The following ALOX15 variants were observed in gnomAD, a reference collection of about 807,000 sequenced individuals.
The protein encoded by ALOX15 is arachidonate 15-lipoxygenase.
ALOX15 carries 68 observed loss-of-function variants against 71.7 expected under a neutral mutation model. That is an observed-to-expected ratio of 0.95 (90% CI 0.78 to 1.16). The LOEUF (loss-of-function observed/expected upper bound fraction) is 1.16. ALOX15 is among the 50% of genes most tolerant of loss of function. ALOX15 has a pLI of 0.00. For missense variants in ALOX15, 798 were observed against 818.8 expected (o/e 0.97, Z 0.31); for synonymous variants, 346 against 333.3 (o/e 1.04, Z -0.42).
Position 4,631,442 on chromosome 17 carries a change from A to T in ALOX15, c.*158T>A. ...GTCCCAGGTGATGCCTCTAGAGTAAAATGTGTTCACTGGGTGCAGAGACCA... is the reference window on the plus strand; with the variant it reads ...GTCCCAGGTGATGCCTCTAGAGTAATATGTGTTCACTGGGTGCAGAGACCA... On this transcript the variant is annotated 3_prime_UTR_variant, in exon 14 of 14. Coordinates refer to ENST00000293761, the MANE Select transcript of ALOX15 (RefSeq NM_001140.5). 1 of 823,664 alleles carries T rather than the reference A, an allele frequency of 1.2e-6. No homozygotes were observed. Among genetic ancestry groups the T allele is most frequent in the Non-Finnish European group, 1.9e-6 (1 of 539,352 alleles). The allele number at this position is 823,664 out of a possible 1,614,324, so 51.0% of individuals were successfully genotyped here.
At chr17:4,636,271 C>T (rs757152822) in intron 7 of ALOX15, among the ~76,000 whole-genome samples, 6 of 152,330 alleles carry the variant, frequency 3.9e-5, no homozygotes, top group Non-Finnish European at 8.8e-5. Flanking sequence ...CCACCTGCTT[C>T]CTCCATCCCA....
At chr17:4,633,354 T>G in intron 9 of ALOX15, 39 bp from the exon 10 acceptor site, 1 of 1,610,930 alleles carries the variant, frequency 6.2e-7, no homozygotes. Flanking sequence ...CGAATCGACC[T>G]GCCCTGAATC....
At chr17:4,638,105 G>A (rs1440675089) in intron 6 of ALOX15, 112 bp downstream of exon 6, 22 of 596,196 alleles carry the variant, frequency 3.7e-5, no homozygotes, top group African/African-American at 2.4e-4. Flanking sequence ...TGCAGAATCC[G>A]TCCTTGCTGG....
chr17:4,641,439 G>C, intron 1 of ALOX15, 78 bp downstream of exon 1: 2 of 1,543,430 alleles, frequency 1.3e-6, no homozygotes, highest in Non-Finnish European at 1.7e-6. Context: ...AGGCCAACGG[G>C]GGCGCATGTC....
In ALOX15 at chr17:4,633,152, A is replaced by G; in HGVS notation, c.1412T>C (p.Ile471Thr). ...AQDALRLWEIIYRYVEGIVSL... is the reference protein window; with the variant it reads ...AQDALRLWEITYRYVEGIVSL... ...GCCTTCCCGCTTGCCTCACCGATAG[A>G]TGATTTCCCAGAGCCGCAGCGCATC... Residue 471 changes from isoleucine (I) to threonine (T), a missense_variant, in exon 10 of 14, where the codon ATC (isoleucine) becomes ACC (threonine). Around this residue, in one of 3 missense-constraint regions of ALOX15, gnomAD observed 490 missense variants for 509.4 expected, o/e 0.96. Coordinates refer to ENST00000293761, the MANE Select transcript of ALOX15 (RefSeq NM_001140.5). The G allele has an allele frequency of 1.2e-6, 2 of 1,613,722 alleles. No homozygotes were observed. Among genetic ancestry groups the G allele is most frequent in the Non-Finnish European group, 1.7e-6 (2 of 1,179,794 alleles).
At chr17:4,641,484 G>A (rs759372494) in intron 1 of ALOX15, 33 bp downstream of exon 1, 2 of 1,600,940 alleles carry the variant, frequency 1.2e-6, no homozygotes, top group East Asian at 2.2e-5. Context: ...AGCCAGGGGC[G>A]CAGCCCACCC....
rs1910978206 is a variant in ALOX15 at position 4,633,237 on chromosome 17, G to T, written c.1327C>A (p.Pro443Thr). 5 of 1,614,094 alleles carry T rather than the reference G, an allele frequency of 3.1e-6. No individual in the cohort carries two copies. The African/African-American group carries it at 5.3e-5, about 17-fold the overall frequency. The change falls in exon 10 of 14, where the codon CCC (proline) becomes ACC (threonine). Residue 443 changes from proline to threonine, a missense_variant. This residue lies in a region of ALOX15 where 490 missense variants were observed against 509.4 expected (regional missense o/e 0.96). Coordinates refer to ENST00000293761, the MANE Select transcript of ALOX15 (RefSeq NM_001140.5). ...GAFLTYSSFC[P>T]PDDLADRGLL... is the part of the protein sequence containing the mutation. ...CCCCGGTCGGCCAAGTCATCAGGGG[G>T]ACAGAAGGAGCTGTAGGTTAGGAAG...
In ALOX15 at chr17:4,633,146, C is replaced by T. The variant is rs748151554; in HGVS notation, c.1418G>A (p.Arg473Gln). ...DALRLWEIIYRYVEGIVSLHY... is the reference protein window; with the variant it reads ...DALRLWEIIYQYVEGIVSLHY... ...CCACTGGCCTTCCCGCTTGCCTCAC[C>T]GATAGATGATTTCCCAGAGCCGCAG... is the stretch of plus-strand genomic sequence containing the variant. Residue 473 changes from arginine (R) to glutamine (Q), a missense_variant and splice_region_variant, in exon 10 of 14, where the codon CGG becomes CAG. Arg to Gln is a conservative substitution (Grantham distance 43). This residue lies in a region of ALOX15 where 490 missense variants were observed against 509.4 expected (regional missense o/e 0.96). Coordinates refer to ENST00000293761, the MANE Select transcript of ALOX15 (RefSeq NM_001140.5). 4.2e-5 allele frequency: 68 copies of T among 1,613,468 alleles called. No homozygotes were observed. The highest frequency in any genetic ancestry group is 5.3e-5 in the Non-Finnish European group (63 of 1,179,700).
At chr17:4,634,848 A>G (rs11568149) in intron 8 of ALOX15, among the ~76,000 whole-genome samples, 1,652 of 151,694 alleles carry the variant, frequency 0.011, 10 homozygotes, top group Middle Eastern at 0.031. Context: ...GCATGGTGGC[A>G]GGCACCTGAA....
chr17:4,639,449 C>T lies in ALOX15; in HGVS notation c.318G>A (p.Leu106=), dbSNP rs113632782. 16 of 1,613,608 alleles carry T rather than the reference C, an allele frequency of 9.9e-6. No homozygotes were observed. In the African/African-American group the frequency reaches 1.1e-4, roughly 11 times the overall value. ...CYRWVEGNGV[L]SLPEGTGRTV... ...GCTTACCGGTGCCTTCAGGCAGGCT[C>T]AGGACGCCGTTGCCCTCCACCCAGC... Residue 106 remains leucine (L), a synonymous_variant, in exon 2 of 14, where the codon CTG becomes CTA. Transcript: ENST00000293761.
intron 7 of ALOX15, among the ~76,000 whole-genome samples, 198 bp downstream of exon 7, chr17:4,636,917 G>A (rs1456050282): frequency 6.6e-6 from 1 of 152,126 alleles, no homozygotes; most frequent in Non-Finnish European, 1.5e-5. Flanking sequence ...CAGTCCTGGA[G>A]CTTCTGCAGA....
chr17:4,639,523 A>G lies in ALOX15; in HGVS notation c.244T>C (p.Ser82Pro). Residue 82 changes from serine to proline, a missense_variant, in exon 2 of 14, where the codon TCT becomes CCT. Ser to Pro is a moderately conservative substitution (Grantham distance 74). Coordinates refer to ENST00000293761, the MANE Select transcript of ALOX15 (RefSeq NM_001140.5). ...KDDAWFCNWISVQGPGAGDEV... is the reference protein window; with the variant it reads ...KDDAWFCNWIPVQGPGAGDEV... ...TCCCCGGCTCCGGGGCCCTGCACAGAGATCCAGTTGCAGAACCAGGCGTCG... is the reference window on the plus strand; with the variant it reads ...TCCCCGGCTCCGGGGCCCTGCACAGGGATCCAGTTGCAGAACCAGGCGTCG... 6.2e-7 allele frequency: 1 copy of G among 1,614,014 alleles called. No homozygotes were observed. Among genetic ancestry groups the G allele is most frequent in the Non-Finnish European group, 8.5e-7 (1 of 1,180,028 alleles).
In ALOX15 at chr17:4,638,837, C is replaced by T; in HGVS notation, c.542+13G>A. On this transcript the variant is annotated intron_variant, in intron 4 of 13. Transcript: ENST00000293761. ...GGACACCTCCCTCTCACCCAGCCTC[C>T]CCTTGCTCTCACCCCTTGGCCAGCG... 1.2e-6 allele frequency: 2 copies of T among 1,614,150 alleles called. No individual in the cohort carries two copies. Among genetic ancestry groups the T allele is most frequent in the South Asian group, 2.2e-5 (2 of 91,068 alleles).
intron 1 of ALOX15, 113 bp from the exon 2 acceptor site, chr17:4,639,744 G>A: frequency 1.9e-6 from 2 of 1,081,068 alleles, no homozygotes; most frequent in Non-Finnish European, 2.6e-6. Context: ...GAGAGGAGGA[G>A]ACGTATCGGG....
intron 8 of ALOX15, among the ~76,000 whole-genome samples, chr17:4,634,344 C>G (rs1965923): frequency 0.43 from 65,467 of 151,714 alleles, 15,555 homozygotes; most frequent in South Asian, 0.54. Context: ...GCTCTGTTTC[C>G]CAGGCTGAAG....
chr17:4,632,864 G>T lies in ALOX15; in HGVS notation c.1537C>A (p.Arg513=). The T allele has an allele frequency of 1.2e-6, 2 of 1,614,028 alleles. No individual in the cohort carries two copies. Among genetic ancestry groups the T allele is most frequent in the Non-Finnish European group, 1.7e-6 (2 of 1,179,986 alleles). Residue 513 remains arginine, a synonymous_variant, in exon 11 of 14, where the codon CGA becomes AGA. Transcript: ENST00000293761. The stretch of plus-strand genomic sequence containing the variant: ...TCAGGGCAGGGGCTCCTCTTACCTC[G>T]GTCCTGGGCCCCTTGCAGCCCGATT... ...TEIGLQGAQD[R]GFPVSLQARD... is the part of the protein sequence containing the mutation.
rs541003815 is a variant in ALOX15 at position 4,634,640 on chromosome 17, G to A, written c.1161+1119C>T. 2.6e-5 allele frequency among the ~76,000 whole-genome samples: 4 copies of A among 151,536 alleles called. No individual in the cohort carries two copies. The East Asian group carries it at 7.8e-4, about 29-fold the overall frequency. On this transcript the variant is annotated intron_variant, in intron 8 of 13. Coordinates refer to ENST00000293761, the MANE Select transcript of ALOX15 (RefSeq NM_001140.5). Reference sequence around the variant, plus strand: ...TCTGTCTATGTATTGCATTATATCTGTGCTTTATATAGATATATATCACAT... The same window carrying A: ...TCTGTCTATGTATTGCATTATATCTATGCTTTATATAGATATATATCACAT...
chr17:4,633,328 G>T lies in ALOX15; in HGVS notation c.1249-13C>A. ...CAGTGCTCATTATCTGAGAAGTGAG[G>T]GTGAGCAGGGTCAGGCGAATCGACC... is the stretch of plus-strand genomic sequence containing the variant. On this transcript the variant is annotated splice_polypyrimidine_tract_variant and intron_variant, in intron 9 of 13. Transcript: ENST00000293761. 6.2e-7 allele frequency: 1 copy of T among 1,612,284 alleles called. No individual in the cohort carries two copies. Among genetic ancestry groups the T allele is most frequent in the East Asian group, 2.2e-5 (1 of 44,816 alleles).
At position 4,633,213 on chromosome 17, in the gene ALOX15, C is replaced by T. The variant is rs1379383316; in HGVS notation, c.1351G>A (p.Gly451Arg). 1 of 1,614,044 alleles carries T rather than the reference C, an allele frequency of 6.2e-7. No individual in the cohort carries two copies. Among genetic ancestry groups the T allele is most frequent in the African/African-American group, 1.3e-5 (1 of 74,906 alleles). The change falls in exon 10 of 14, where the codon GGG becomes AGG. Residue 451 changes from glycine to arginine, a missense_variant. Physicochemically the swap from Gly to Arg is moderately radical, Grantham distance 125 (BLOSUM62 -2). Around this residue, in one of 3 missense-constraint regions of ALOX15, gnomAD observed 490 missense variants for 509.4 expected, o/e 0.96. Transcript: ENST00000293761. ...FCPPDDLADR[G>R]LLGVKSSFYA... ...AAGGAAGACTTCACTCCCAGGAGCC[C>T]CCGGTCGGCCAAGTCATCAGGGGGA...
Sources: allele counts gnomAD v4.1 joint callset (sites outside exome capture counted in the v4.1 genomes callset), GRCh38; gene constraint gnomAD v4.1.1; regional missense constraint gnomAD v4.1.1; transcripts MANE v1.5; gene names NCBI Gene and HGNC (gene_info 2026-07-23, HGNC 2026-07-21).